Variants in SLC25A21 observed in about 807,000 individuals in gnomAD.
SLC25A21 encodes mitochondrial 2-oxodicarboxylate carrier.
Under a neutral mutation model 43.8 loss-of-function variants are expected in SLC25A21, and 47 were observed. The ratio of observed to expected loss-of-function variants is 1.07; its 90% CI spans 0.85 to 1.37. The LOEUF (loss-of-function observed/expected upper bound fraction) is 1.37, where lower values mean the gene tolerates loss of function less well. Ranked by LOEUF, SLC25A21 falls within the 40% of genes most tolerant of loss-of-function variation. The pLI is 0.00. For synonymous variants in SLC25A21, 131 were observed against 121.3 expected, an observed-to-expected ratio of 1.08 and a Z score of -0.52; for missense variants, 352 against 350.2, an observed-to-expected ratio of 1.00 and a Z score of -0.04.
chr14:36,753,951 G>A (rs988713782), intron 3 of SLC25A21, among the ~76,000 whole-genome samples: 1 of 146,736 alleles, frequency 6.8e-6, no homozygotes, highest in African/African-American at 2.7e-5. Context: ...GAGAGAGAGA[G>A]AGAGAGAGAA....
chr14:36,712,771 A>G (rs576813308), intron 6 of SLC25A21, among the ~76,000 whole-genome samples: 4 of 152,318 alleles, frequency 2.6e-5, no homozygotes, highest in Admixed American at 2.6e-4. Flanking sequence ...AAACAATAAG[A>G]CATATCATAC....
At chr14:36,980,216 T>C (rs536522838) in intron 1 of SLC25A21, among the ~76,000 whole-genome samples, 9 of 152,354 alleles carry the variant, frequency 5.9e-5, no homozygotes, top group African/African-American at 2.2e-4. Flanking sequence ...ATCTGACAAG[T>C]ATGTGTCTTG....
chr14:36,986,110 T>C (rs1219687613), intron 1 of SLC25A21, among the ~76,000 whole-genome samples: 3 of 152,180 alleles, frequency 2.0e-5, no homozygotes, highest in African/African-American at 7.2e-5. Flanking sequence ...TTAGGGAGGC[T>C]CTTTACAACT....
At chr14:37,140,276 A>G (rs1963549240) in intron 1 of SLC25A21, among the ~76,000 whole-genome samples, 1 of 152,258 alleles carries the variant, frequency 6.6e-6, no homozygotes, top group Non-Finnish European at 1.5e-5. Flanking sequence ...ATGTATTCAC[A>G]GGTCTCTGAG....
intron 1 of SLC25A21, among the ~76,000 whole-genome samples, chr14:36,919,627 C>G (rs1891924507): frequency 8.8e-6 from 1 of 113,620 alleles, no homozygotes; most frequent in East Asian, 3.4e-4. Context: ...ATCTACCTAT[C>G]TATCTATCTA....
At chr14:37,077,812 C>T (rs536250708) in intron 1 of SLC25A21, among the ~76,000 whole-genome samples, 1 of 152,052 alleles carries the variant, frequency 6.6e-6, no homozygotes, top group East Asian at 1.9e-4. Context: ...AAGGTTTTAA[C>T]CAAAAACAAA....
chr14:36,928,636 T>C (rs1292713668), intron 1 of SLC25A21, among the ~76,000 whole-genome samples: 1 of 152,152 alleles, frequency 6.6e-6, no homozygotes, highest in Non-Finnish European at 1.5e-5. Context: ...ACAGCTTAAA[T>C]TGTGATTTTT....
At chr14:36,791,478 G>A (rs1887481953) in intron 3 of SLC25A21, among the ~76,000 whole-genome samples, 1 of 152,092 alleles carries the variant, frequency 6.6e-6, no homozygotes, top group East Asian at 1.9e-4. Context: ...AGCCCCACCA[G>A]CAGCCATTTT....
At chr14:36,785,327 C>T (rs1887208240) in intron 3 of SLC25A21, among the ~76,000 whole-genome samples, 1 of 152,196 alleles carries the variant, frequency 6.6e-6, no homozygotes, top group Admixed American at 6.5e-5. Context: ...AACCAACTAG[C>T]AAACAAACAA....
At chr14:36,904,453 A>C (rs982732681) in intron 1 of SLC25A21, among the ~76,000 whole-genome samples, 2 of 152,218 alleles carry the variant, frequency 1.3e-5, no homozygotes, top group African/African-American at 4.8e-5. Context: ...CCTCTAGGAA[A>C]ATTGAAAATG....
At chr14:36,772,251 T>C (rs1208659824) in intron 3 of SLC25A21, among the ~76,000 whole-genome samples, 1 of 152,022 alleles carries the variant, frequency 6.6e-6, no homozygotes, top group Non-Finnish European at 1.5e-5. Context: ...CAAGGGAAAA[T>C]TTTAAATTTA....
intron 1 of SLC25A21, among the ~76,000 whole-genome samples, chr14:37,036,111 A>T (rs951267054): frequency 2.0e-5 from 3 of 152,162 alleles, no homozygotes. Context: ...GTATTTTTCT[A>T]CCCAGCAAAG....
intron 3 of SLC25A21, among the ~76,000 whole-genome samples, chr14:36,775,943 C>T (rs988937752): frequency 6.6e-6 from 1 of 152,118 alleles, no homozygotes; most frequent in African/African-American, 2.4e-5. Flanking sequence ...CATTGGATCA[C>T]CTGGAATTGA....
At chr14:36,987,531 G>A (rs1320289952) in intron 1 of SLC25A21, among the ~76,000 whole-genome samples, 1 of 152,090 alleles carries the variant, frequency 6.6e-6, no homozygotes, top group Admixed American at 6.6e-5. Context: ...TCATAGCTGA[G>A]ATCATACCGT....
At chr14:36,731,794 C>T (rs754593230) in intron 4 of SLC25A21, among the ~76,000 whole-genome samples, 2 of 152,092 alleles carry the variant, frequency 1.3e-5, no homozygotes, top group Non-Finnish European at 2.9e-5. Flanking sequence ...GGAGTTCTAT[C>T]TCTGTGCAGC....
chr14:36,943,440 C>T (rs1368761624), intron 1 of SLC25A21, among the ~76,000 whole-genome samples: 1 of 152,196 alleles, frequency 6.6e-6, no homozygotes, highest in Non-Finnish European at 1.5e-5. Flanking sequence ...GATCTGCCCG[C>T]CTTGGCCTCC....
chr14:37,089,531 G>A (rs1351724471), intron 1 of SLC25A21, among the ~76,000 whole-genome samples: 1 of 152,116 alleles, frequency 6.6e-6, no homozygotes, highest in African/African-American at 2.4e-5. Context: ...TTTCAAAAAC[G>A]TTTCTGCTGC....
intron 1 of SLC25A21, among the ~76,000 whole-genome samples, chr14:36,975,273 T>C (rs1054114845): frequency 3.3e-5 from 5 of 152,192 alleles, no homozygotes; most frequent in African/African-American, 9.7e-5. Flanking sequence ...GAAACAGTCA[T>C]TGATGGGCGT....
At chr14:37,172,248 A>G (rs1194960928) in intron 1 of SLC25A21, 33 bp downstream of exon 1, 1 of 1,563,190 alleles carries the variant, frequency 6.4e-7, no homozygotes, top group South Asian at 1.2e-5. Context: ...GAAAGCGACT[A>G]GCCTCCGGCG....
Sources: gnomAD v4.1 joint callset for allele counts (sites outside exome capture counted in the v4.1 genomes callset) on GRCh38, gnomAD v4.1.1 for gene constraint, MANE v1.5 for transcripts, NCBI Gene and HGNC (gene_info 2026-07-23, HGNC 2026-07-21) for gene names.